PAX2: variants seen among roughly 807,000 people sequenced by gnomAD.
PAX2 encodes paired box protein Pax-2.
PAX2 carries 9 observed loss-of-function variants against 41.7 expected under a neutral mutation model. That is an observed-to-expected ratio of 0.22 (90% CI 0.13 to 0.38). The LOEUF (loss-of-function observed/expected upper bound fraction) is 0.38. Ranked by LOEUF, PAX2 falls within the 10% of genes least tolerant of loss-of-function variation. The pLI is 1.00. For missense variants in PAX2, 418 were observed against 531.6 expected, an observed-to-expected ratio of 0.79 and a Z score of 2.10; for synonymous variants, 221 against 212.7, an observed-to-expected ratio of 1.04 and a Z score of -0.34.
chr10:100,814,911 T>G (rs1011591017), intron 7 of PAX2, among the ~76,000 whole-genome samples: 4 of 152,222 alleles, frequency 2.6e-5, no homozygotes, highest in Non-Finnish European at 4.4e-5. Context: ...GCTGGCTGAT[T>G]TGAGCAGAGG....
intron 3 of PAX2, among the ~76,000 whole-genome samples, chr10:100,777,383 G>A (rs1217568461): frequency 6.7e-6 from 1 of 149,932 alleles, no homozygotes; most frequent in Non-Finnish European, 1.5e-5. Context: ...ACAGGCATGA[G>A]CCACCGCATC....
Position 100,827,651 on chromosome 10 carries a change from GA to G in PAX2, c.*33del. The stretch of plus-strand genomic sequence containing the variant: ...CGGGGACCACATCAAGCTTCAGGCC[GA>G]CAGCTTCGGCCTCCACATCGTCCCC... On this transcript the variant is annotated 3_prime_UTR_variant, in exon 10 of 10. Transcript: ENST00000355243. The surrounding 1 kb of genome is among the most constrained non-coding windows in gnomAD (Gnocchi z 8.5). The G allele has an allele frequency of 6.2e-7, 1 of 1,613,724 alleles. No homozygotes were observed. Among genetic ancestry groups the G allele is most frequent in the Non-Finnish European group, 8.5e-7 (1 of 1,179,870 alleles).
intron 1 of PAX2, chr10:100,747,065 C>G (rs1278334777): frequency 6.6e-6 from 1 of 152,234 alleles, no homozygotes; most frequent in Non-Finnish European, 1.5e-5. Flanking sequence ...GGGGGATGCT[C>G]TAAAAACAAA....
intron 3 of PAX2, among the ~76,000 whole-genome samples, chr10:100,757,251 A>T (rs942198335): frequency 6.6e-6 from 1 of 152,194 alleles, no homozygotes; most frequent in African/African-American, 2.4e-5. Context: ...ACAGGACATG[A>T]CCTGCAGTCA....
intron 1 of PAX2, among the ~76,000 whole-genome samples, chr10:100,739,272 G>A (rs1222692312): frequency 1.3e-5 from 2 of 152,176 alleles, no homozygotes; most frequent in Non-Finnish European, 2.9e-5. Flanking sequence ...CCCTGCGTTC[G>A]GGTCCTTTGT....
At chr10:100,773,844 CTG>C (rs1846296076) in intron 3 of PAX2, among the ~76,000 whole-genome samples, 1 of 152,174 alleles carries the variant, frequency 6.6e-6, no homozygotes, top group Non-Finnish European at 1.5e-5. Context: ...GCTCAGCACT[CTG>C]CCACTATTGC....
At chr10:100,737,814 G>C (rs1844827446) in intron 1 of PAX2, among the ~76,000 whole-genome samples, 1 of 152,226 alleles carries the variant, frequency 6.6e-6, no homozygotes, top group African/African-American at 2.4e-5. Context: ...TGACAGAGGC[G>C]CGTGACCGAA....
rs144433354 is a variant in PAX2 at position 100,809,136 on chromosome 10, G to C, written c.819G>C (p.Leu273=). ...GGAACGAGTACTCCCTCCCAGCCCT[G>C]ACCCCTGGGCTTGATGAAGTCAAGT... The part of the protein sequence containing the change: ...EQGNEYSLPA[L]TPGLDEVKSS... Residue 273 remains leucine, a synonymous_variant, in exon 7 of 10, where the codon CTG becomes CTC. Transcript: ENST00000355243. The C allele has an allele frequency of 1.4e-4, 226 of 1,613,388 alleles. No individual in the cohort carries two copies. In the African/African-American group the frequency reaches 2.8e-3, roughly 20 times the overall value.
chr10:100,815,736 T>G (rs1206311566), intron 7 of PAX2, among the ~76,000 whole-genome samples: 4 of 152,176 alleles, frequency 2.6e-5, no homozygotes, highest in African/African-American at 9.7e-5. Flanking sequence ...GAGGCCCTAA[T>G]CCACTGTCGG....
chr10:100,824,930 C>T lies in PAX2; in HGVS notation c.1021+181C>T. On this transcript the variant is annotated intron_variant, in intron 8 of 9. Transcript: ENST00000355243. This position sits in a 1 kb window ranked among gnomAD's most constrained non-coding sequence, Gnocchi z 6.6. The stretch of plus-strand genomic sequence containing the variant: ...CTGCAGTTGGTCCCTCATCCTCCCT[C>T]ATGAGCAAGCCGGGGAGGAAGCTTG... The T allele has an allele frequency of 1.2e-6, 2 of 1,614,142 alleles. No homozygotes were observed. Among genetic ancestry groups the T allele is most frequent in the South Asian group, 2.2e-5 (2 of 91,078 alleles).
intron 5 of PAX2, among the ~76,000 whole-genome samples, chr10:100,792,476 C>A (rs1215796227): frequency 1.3e-5 from 2 of 152,220 alleles, no homozygotes; most frequent in Admixed American, 6.5e-5. Flanking sequence ...AGAAGTCTAT[C>A]TCCCTTCTCT....
At chr10:100,789,763 A>G (rs1847024965) in intron 5 of PAX2, among the ~76,000 whole-genome samples, 1 of 152,240 alleles carries the variant, frequency 6.6e-6, no homozygotes, top group African/African-American at 2.4e-5. Context: ...CTAGTAACCA[A>G]GGAAATTAAA....
At chr10:100,784,420 C>T (rs71488071) in intron 5 of PAX2, among the ~76,000 whole-genome samples, 2,852 of 152,280 alleles carry the variant, frequency 0.019, 45 homozygotes, top group Middle Eastern at 0.034. Flanking sequence ...GCTCATCTCC[C>T]TCCAGGAGGA....
chr10:100,777,772 C>T (rs7070332), intron 3 of PAX2, among the ~76,000 whole-genome samples: 3,802 of 152,314 alleles, frequency 0.025, 159 homozygotes, highest in African/African-American at 0.083. Context: ...ATAATAGTCT[C>T]TACTTTGGAG....
At chr10:100,742,499 G>A (rs1463088087), upstream of PAX2, among the ~76,000 whole-genome samples, 1 of 147,622 alleles carries the variant, frequency 6.8e-6, no homozygotes, top group Non-Finnish European at 1.5e-5. Flanking sequence ...GGCAGGGAAG[G>A]GAGCCGAGAA....
chr10:100,827,394 G>A lies in PAX2; in HGVS notation c.1109-149G>A, dbSNP rs1165624182. On this transcript the variant is annotated intron_variant, in intron 9 of 9. Coordinates refer to ENST00000355243, the MANE Select transcript of PAX2 (RefSeq NM_000278.5). The surrounding 1 kb of genome is among the most constrained non-coding windows in gnomAD (Gnocchi z 8.5). ...CCCGTGAACGCAACTATTCTCCGGG[G>A]CAACTGGCTCCACTGCCCAGCCAAG... 5 of 796,212 alleles carry A rather than the reference G, an allele frequency of 6.3e-6. No individual in the cohort carries two copies. The highest frequency in any genetic ancestry group is 1.1e-5 in the Non-Finnish European group (5 of 466,766). 49.3% of individuals were successfully genotyped at this position (796,212 alleles called of 1,614,324 possible). A position where few individuals can be genotyped will look rare whatever the true frequency, so the allele number is the denominator to read the frequency against.
Position 100,749,510 on chromosome 10 carries a change from GCGT to G in PAX2, c.44-233_44-231del, listed in dbSNP as rs1845352384. ...CAGTCCCCCCTTTGCTTTCTACCTTGCGTCGCAAGGCCTGAGTCGCCCTCTCGC... is the reference window on the plus strand; with the variant it reads ...CAGTCCCCCCTTTGCTTTCTACCTTGCGCAAGGCCTGAGTCGCCCTCTCGC... On this transcript the variant is annotated intron_variant, in intron 1 of 9. Coordinates refer to ENST00000355243, the MANE Select transcript of PAX2 (RefSeq NM_000278.5). 4 of 1,332,896 alleles carry G rather than the reference GCGT, an allele frequency of 3.0e-6. No homozygotes were observed. In the South Asian group the frequency reaches 9.2e-5, roughly 31 times the overall value. 82.6% of individuals were successfully genotyped at this position (1,332,896 alleles called of 1,614,324 possible).
At position 100,809,226 on chromosome 10, in the gene PAX2, A is replaced by T. The variant is rs1800898; in HGVS notation, c.909A>T (p.Pro303=). The change falls in exon 7 of 10, where the codon CCA becomes CCT. Residue 303 remains proline (P), a synonymous_variant. Coordinates refer to ENST00000355243, the MANE Select transcript of PAX2 (RefSeq NM_000278.5). ...ACGTGTCAGGCACACAGACATACCC[A>T]GTTGTGACTGGTAAGGGGGCTTCCA... ...GSNVSGTQTY[P]VVTGRDMAST... 29 of 1,613,424 alleles carry T rather than the reference A, an allele frequency of 1.8e-5. No individual in the cohort carries two copies. The highest frequency in any genetic ancestry group is 2.4e-5 in the Non-Finnish European group (28 of 1,179,742).
At chr10:100,785,635 G>T (rs923398994) in intron 5 of PAX2, among the ~76,000 whole-genome samples, 5 of 152,222 alleles carry the variant, frequency 3.3e-5, no homozygotes, top group Non-Finnish European at 5.9e-5. Flanking sequence ...AGGTCCCCAA[G>T]AGTGTTGCTC....
Sources: gnomAD v4.1 joint callset for allele counts (sites outside exome capture counted in the v4.1 genomes callset) on GRCh38, gnomAD v4.1.1 for gene constraint, Gnocchi (gnomAD v3.1) non-coding constraint, MANE v1.5 for transcripts, NCBI Gene and HGNC (gene_info 2026-07-23, HGNC 2026-07-21) for gene names.